The following RFC3 variants were observed in gnomAD, a reference collection of about 807,000 sequenced individuals.
RFC3 encodes replication factor C subunit 3, also known as A1 38 kDa subunit.
In RFC3, 41 loss-of-function variants were observed where a neutral mutation model predicts 45.1. The ratio of observed to expected loss-of-function variants is 0.91; its 90% CI spans 0.71 to 1.18. The LOEUF (loss-of-function observed/expected upper bound fraction) is 1.18. Among genes scored for constraint, RFC3 ranks in the 50% most tolerant of loss-of-function variants. The probability of loss-of-function intolerance (pLI) is 0.00; values close to 1 mark genes in which losing one functional copy is unlikely to be tolerated. For synonymous variants in RFC3, 149 were observed against 144.0 expected (o/e 1.03, Z -0.25); for missense variants, 423 against 428.1 (o/e 0.99, Z 0.10).
chr13:33,835,477 G>A, intron 8 of RFC3: 1 of 633,246 alleles, frequency 1.6e-6, no homozygotes, highest in Non-Finnish European at 3.0e-6. Flanking sequence ...TCAGAGTGTT[G>A]TAAGTGCTGT....
chr13:33,893,810 T>A (rs1347178419), intron 8 of RFC3, among the ~76,000 whole-genome samples: 2 of 151,910 alleles, frequency 1.3e-5, no homozygotes, highest in Admixed American at 1.3e-4. Context: ...CAAAGACAGA[T>A]TATTTGAAAA....
At chr13:33,970,908 G>C (rs1566046900), downstream of RFC3, among the ~76,000 whole-genome samples, 1 of 152,234 alleles carries the variant, frequency 6.6e-6, no homozygotes, top group African/African-American at 2.4e-5. Flanking sequence ...TAGCCAAAGA[G>C]ATGTCAGTCC....
At chr13:33,847,369 T>C (rs1668475481) in intron 8 of RFC3, 1 of 152,262 alleles carries the variant, frequency 6.6e-6, no homozygotes, top group Non-Finnish European at 1.5e-5. Context: ...ACAAAGGTGC[T>C]TTCTTGTGTG....
chr13:33,834,298 G>GTATATATATATA (rs58858615), intron 7 of RFC3, among the ~76,000 whole-genome samples: 30 of 109,164 alleles, frequency 2.7e-4, no homozygotes, highest in African/African-American at 1.1e-3. Flanking sequence ...TGTACTGTGT[G>GTATATATATATA]TATATATATA....
At chr13:33,894,431 A>G (rs981471232) in intron 8 of RFC3, among the ~76,000 whole-genome samples, 1 of 152,192 alleles carries the variant, frequency 6.6e-6, no homozygotes, top group Admixed American at 6.6e-5. Context: ...AGCTAACTCA[A>G]GTGACAGTCA....
intron 8 of RFC3, among the ~76,000 whole-genome samples, chr13:33,898,293 A>G (rs2082614711): frequency 2.0e-5 from 3 of 151,980 alleles, no homozygotes; most frequent in Admixed American, 2.0e-4. Flanking sequence ...AAAAAAGTAG[A>G]AACCATTTCA....
chr13:33,831,730 G>A (rs1204163899), intron 7 of RFC3, among the ~76,000 whole-genome samples: 1 of 152,068 alleles, frequency 6.6e-6, no homozygotes, highest in East Asian at 1.9e-4. Context: ...GATGCATCAT[G>A]TGCTAGAAAG....
intron 8 of RFC3, 183 bp downstream of exon 8, chr13:33,835,400 G>A: frequency 1.4e-6 from 1 of 736,454 alleles, no homozygotes; most frequent in South Asian, 1.4e-5. Context: ...GAAAAGAAGG[G>A]AGGGCCTGCC....
At chr13:33,927,705 TCA>T (rs2082823096) in intron 8 of RFC3, among the ~76,000 whole-genome samples, 2 of 152,082 alleles carry the variant, frequency 1.3e-5, no homozygotes, top group African/African-American at 4.8e-5. Context: ...CTGACAACTT[TCA>T]CAGCTGCAAC....
In RFC3 at chr13:33,830,645, A is replaced by G; in HGVS notation, c.574-74A>G. 10 of 1,239,568 alleles carry G rather than the reference A, an allele frequency of 8.1e-6. No homozygotes were observed. In the East Asian group the frequency reaches 9.3e-5, roughly 12 times the overall value. 76.8% of individuals were successfully genotyped at this position (1,239,568 alleles called of 1,614,324 possible). A position where few individuals can be genotyped will look rare whatever the true frequency, so the allele number is the denominator to read the frequency against. On this transcript the variant is annotated intron_variant, in intron 5 of 8. Transcript: ENST00000380071. The stretch of plus-strand genomic sequence containing the variant: ...GAGAGTAATACAGTTATAAGGGTCT[A>G]GGAGGATATCAACAGAAATGAATCT...
At chr13:33,864,032 G>C (rs1366305547) in intron 8 of RFC3, among the ~76,000 whole-genome samples, 1 of 152,188 alleles carries the variant, frequency 6.6e-6, no homozygotes, top group East Asian at 1.9e-4. Context: ...ACCAACATCT[G>C]CGTGGCTTCT....
At chr13:33,888,992 C>T (rs922000483) in intron 8 of RFC3, among the ~76,000 whole-genome samples, 3 of 152,210 alleles carry the variant, frequency 2.0e-5, no homozygotes, top group Admixed American at 1.3e-4. Flanking sequence ...GATCCAGCCA[C>T]CTCGGCCTCC....
chr13:33,845,525 ATTC>A (rs1298348498), intron 8 of RFC3, among the ~76,000 whole-genome samples: 2 of 151,996 alleles, frequency 1.3e-5, no homozygotes, highest in Admixed American at 6.6e-5. Context: ...AAGCTCATTA[ATTC>A]TTCTTTTTGA....
intron 3 of RFC3, 127 bp downstream of exon 3, chr13:33,824,111 AC>A: frequency 1.9e-6 from 1 of 526,292 alleles, no homozygotes; most frequent in Non-Finnish European, 3.4e-6. Context: ...TATAAAACAG[AC>A]TAAAGTGGAG....
At chr13:33,841,112 G>C (rs2082195083), downstream of RFC3, among the ~76,000 whole-genome samples, 1 of 152,156 alleles carries the variant, frequency 6.6e-6, no homozygotes, top group Admixed American at 6.5e-5. Flanking sequence ...TGGGAACTCT[G>C]TTGTGAACTG....
chr13:33,932,367 T>C (rs1475969898), intron 8 of RFC3, among the ~76,000 whole-genome samples: 1 of 152,182 alleles, frequency 6.6e-6, no homozygotes, highest in Non-Finnish European at 1.5e-5. Context: ...TTTGTGACTT[T>C]CATTGGAATT....
intron 1 of RFC3, among the ~76,000 whole-genome samples, chr13:33,819,359 A>G (rs1593600756): frequency 6.6e-6 from 1 of 152,222 alleles, no homozygotes; most frequent in South Asian, 2.1e-4. Context: ...TGTGGAAGAC[A>G]TTTATCCACT....
Position 33,820,913 on chromosome 13 carries a change from T to TTA in RFC3, c.88-198_88-197dup, listed in dbSNP as rs34884650. ...AGTAAACTTTTCAGCATATATATAT[T>TTA]TATATATATATATATATATATAAAA... On this transcript the variant is annotated intron_variant, in intron 1 of 8. Transcript: ENST00000380071. 1.9e-3 allele frequency among the ~76,000 whole-genome samples: 242 copies of TTA among 130,134 alleles called. 1 individual carries two copies. The highest frequency in any genetic ancestry group is 6.9e-3 in the African/African-American group (203 of 29,486). 85.4% of individuals were successfully genotyped at this position (130,134 alleles called of 152,430 possible). A position where few individuals can be genotyped will look rare whatever the true frequency, so the allele number is the denominator to read the frequency against.
At chr13:33,902,692 T>C (rs2082649104) in intron 8 of RFC3, among the ~76,000 whole-genome samples, 1 of 152,034 alleles carries the variant, frequency 6.6e-6, no homozygotes, top group South Asian at 2.1e-4. Flanking sequence ...AAGCCAACAT[T>C]ATTTTTCATC....
Sources: allele counts gnomAD v4.1 joint callset (sites outside exome capture counted in the v4.1 genomes callset), GRCh38; gene constraint gnomAD v4.1.1; transcripts MANE v1.5; gene names NCBI Gene and HGNC (gene_info 2026-07-23, HGNC 2026-07-21).